The following CLIC5 variants were observed in gnomAD, a reference collection of about 807,000 sequenced individuals.
The protein encoded by CLIC5 is chloride intracellular channel protein 5.
CLIC5 carries 20 observed loss-of-function variants against 24.7 expected under a neutral mutation model. The ratio of observed to expected loss-of-function variants is 0.81; its 90% CI spans 0.57 to 1.18. The LOEUF (loss-of-function observed/expected upper bound fraction) is 1.18, where lower values mean the gene tolerates loss of function less well. Among genes scored for constraint, CLIC5 ranks in the 50% most tolerant of loss-of-function variants. The pLI is 0.00. For missense variants in CLIC5, 341 were observed against 326.1 expected, an observed-to-expected ratio of 1.05 and a Z score of -0.35; for synonymous variants, 159 against 135.6, an observed-to-expected ratio of 1.17 and a Z score of -1.20.
intron 3 of CLIC5, among the ~76,000 whole-genome samples, chr6:45,948,991 T>TA (rs1224584931): frequency 4.6e-5 from 7 of 152,104 alleles, no homozygotes; most frequent in African/African-American, 1.7e-4. Flanking sequence ...CCTGGTATCC[T>TA]AGGGCTCCTA....
In CLIC5 at chr6:45,975,700, A is replaced by G. The variant is rs181701897; in HGVS notation, c.64-20456T>C. ...ATATCAGATTACAAAGAACAAGACA[A>G]TATGTTACCTGTCAATCTCTAAGGT... On this transcript the variant is annotated intron_variant, in intron 1 of 5. Coordinates refer to ENST00000339561, the MANE Select transcript of CLIC5 (RefSeq NM_016929.5). Among the ~76,000 whole-genome samples the G allele has an allele frequency of 3.1e-4, 47 of 152,326 alleles. No individual in the cohort carries two copies. The East Asian group carries it at 8.7e-3, about 28-fold the overall frequency.
intron 4 of CLIC5, among the ~76,000 whole-genome samples, chr6:45,928,829 C>A (rs984829025): frequency 1.3e-5 from 2 of 150,942 alleles, no homozygotes; most frequent in African/African-American, 4.9e-5. Flanking sequence ...TATTTGGTTC[C>A]TATGTGTAGA....
intron 4 of CLIC5, among the ~76,000 whole-genome samples, chr6:45,924,244 C>G (rs1763387531): frequency 1.3e-5 from 2 of 152,192 alleles, no homozygotes. Context: ...CATTCTGACT[C>G]TACAGCCAGA....
intron 4 of CLIC5, among the ~76,000 whole-genome samples, chr6:45,939,318 AT>A (rs1308419171): frequency 2.8e-5 from 4 of 144,754 alleles, no homozygotes; most frequent in Non-Finnish European, 4.5e-5. Context: ...GGTTCAAGTC[AT>A]TCTCCTGCCT....
the CLIC5 span, chr6:46,097,014 A>G: frequency 6.6e-6 from 1 of 152,254 alleles, no homozygotes; most frequent in African/African-American, 2.4e-5. Flanking sequence ...ACATAGGTCT[A>G]TGCATTTGTG....
At chr6:45,941,857 C>T (rs1764143505) in intron 3 of CLIC5, among the ~76,000 whole-genome samples, 1 of 152,172 alleles carries the variant, frequency 6.6e-6, no homozygotes, top group South Asian at 2.1e-4. Context: ...CAGTGAGGTG[C>T]TGAGATCTGC....
At chr6:45,889,256 T>G (rs1360550467) in intron 6 of CLIC5, among the ~76,000 whole-genome samples, 1 of 152,182 alleles carries the variant, frequency 6.6e-6, no homozygotes, top group African/African-American at 2.4e-5. Flanking sequence ...TATCTCCTTG[T>G]ATCCTCACAT....
At chr6:46,076,516 G>A (rs995505032) in intron 1 of CLIC5, among the ~76,000 whole-genome samples, 1 of 152,174 alleles carries the variant, frequency 6.6e-6, no homozygotes, top group Non-Finnish European at 1.5e-5. Flanking sequence ...GAGGTGATGT[G>A]ATGTGGGCCA....
intron 1 of CLIC5, among the ~76,000 whole-genome samples, chr6:46,071,805 T>C (rs1762605207): frequency 6.6e-6 from 1 of 152,190 alleles, no homozygotes; most frequent in Non-Finnish European, 1.5e-5. Flanking sequence ...TTTGCAGCAC[T>C]ATTCGCAATA....
the CLIC5 span, among the ~76,000 whole-genome samples, chr6:46,090,058 A>T: frequency 2.0e-5 from 3 of 152,158 alleles, no homozygotes; most frequent in South Asian, 6.2e-4. Flanking sequence ...TAGCACTAAA[A>T]TTTGCTTCCA....
intron 6 of CLIC5, among the ~76,000 whole-genome samples, chr6:45,885,788 C>T (rs924340023): frequency 5.9e-5 from 9 of 152,152 alleles, no homozygotes; most frequent in African/African-American, 1.9e-4. Context: ...CTGCAGTAGA[C>T]TTTAGGAACA....
chr6:45,997,130 T>C (rs1766173761), intron 1 of CLIC5, among the ~76,000 whole-genome samples: 1 of 149,980 alleles, frequency 6.7e-6, no homozygotes, highest in South Asian at 2.1e-4. Context: ...ATAGACTGGA[T>C]TAAGAAAATG....
chr6:45,908,602 G>A (rs1173181583), intron 5 of CLIC5, among the ~76,000 whole-genome samples: 4 of 151,916 alleles, frequency 2.6e-5, no homozygotes, highest in African/African-American at 9.7e-5. Context: ...TCTTGGTGTT[G>A]ATTTCTATTT....
At chr6:45,912,692 A>G in intron 5 of CLIC5, 1 of 1,535,332 alleles carries the variant, frequency 6.5e-7, no homozygotes, top group Non-Finnish European at 8.7e-7. Flanking sequence ...ACTCTGACAC[A>G]GTGTGACTGA....
chr6:46,063,794 G>A (rs138004874), intron 1 of CLIC5, among the ~76,000 whole-genome samples: 13 of 152,262 alleles, frequency 8.5e-5, no homozygotes, highest in East Asian at 3.9e-4. Flanking sequence ...CCATTGCTTC[G>A]GTAATGAAGC....
chr6:45,937,383 C>T (rs1763975318), intron 4 of CLIC5: 1 of 152,194 alleles, frequency 6.6e-6, no homozygotes, highest in Non-Finnish European at 1.5e-5. Flanking sequence ...GCATTACAAA[C>T]CTTGGTGATA....
At chr6:45,889,182 G>C (rs1312015791) in intron 6 of CLIC5, among the ~76,000 whole-genome samples, 1 of 151,816 alleles carries the variant, frequency 6.6e-6, no homozygotes, top group Non-Finnish European at 1.5e-5. Flanking sequence ...AGTCCAAGGT[G>C]AAGGTGCTAG....
upstream of CLIC5, among the ~76,000 whole-genome samples, chr6:46,081,490 C>T (rs1258837547): frequency 6.6e-6 from 1 of 152,132 alleles, no homozygotes; most frequent in Non-Finnish European, 1.5e-5. Context: ...GGAATTAGAG[C>T]AGCATTTCTA....
downstream of CLIC5, chr6:45,880,864 G>A: frequency 3.1e-6 from 1 of 326,300 alleles, no homozygotes; most frequent in Middle Eastern, 7.9e-4. Flanking sequence ...ACTGCAGCAG[G>A]GAACCGACGG....
Sources: allele counts gnomAD v4.1 joint callset (sites outside exome capture counted in the v4.1 genomes callset), GRCh38; gene constraint gnomAD v4.1.1; transcripts MANE v1.5; gene names NCBI Gene and HGNC (gene_info 2026-07-23, HGNC 2026-07-21).